Variants in NT5DC4 observed in about 807,000 individuals in gnomAD.
The protein encoded by NT5DC4 is 5'-nucleotidase domain containing 4, also known as 5'-nucleotidase domain-containing protein 4.
A neutral mutation model predicts 26.6 loss-of-function variants in NT5DC4; 44 were observed. The ratio of observed to expected loss-of-function variants is 1.65; its 90% confidence interval spans 1.30 to 2.13. The LOEUF is 2.13. NT5DC4 is among the 30% of genes most tolerant of loss of function. NT5DC4 has a pLI of 0.00. For synonymous variants in NT5DC4, 157 were observed against 86.7 expected, an observed-to-expected ratio of 1.81 and a Z score of -4.51; for missense variants, 399 against 228.1, an observed-to-expected ratio of 1.75 and a Z score of -4.83.
chr2:112,731,846 G>GATAAACA (rs1678520545), intron 16 of NT5DC4, among the ~76,000 whole-genome samples: 1 of 151,508 alleles, frequency 6.6e-6, no homozygotes, highest in Non-Finnish European at 1.5e-5. Flanking sequence ...ATTTTCTGTG[G>GATAAACA]ATAAACAATG....
At position 112,724,836 on chromosome 2, in the gene NT5DC4, C is replaced by T. The variant is rs904701383; in HGVS notation, c.845C>T (p.Thr282Met). The change falls in exon 11 of 17, where the codon ACG becomes ATG. Residue 282 changes from threonine (T) to methionine (M), a missense_variant. By Grantham distance (81) the Thr-to-Met change is moderately conservative. Transcript: ENST00000688554. ...RSYFDLIVVD[T>M]QKPHFFAEGL... ...TACTTTGACCTGATCGTGGTGGACACGCAGAAGCCCCACTTCTTTGCAGAG... is the reference window on the plus strand; with the variant it reads ...TACTTTGACCTGATCGTGGTGGACATGCAGAAGCCCCACTTCTTTGCAGAG... 26 of 717,074 alleles carry T rather than the reference C, an allele frequency of 3.6e-5. No homozygotes were observed. The highest frequency in any genetic ancestry group is 5.5e-5 in the Non-Finnish European group (21 of 385,030). 44.4% of individuals were successfully genotyped at this position (717,074 alleles called of 1,614,324 possible).
intron 1 of NT5DC4, among the ~76,000 whole-genome samples, 73 bp downstream of exon 1, chr2:112,721,226 G>A (rs1205305854): frequency 6.6e-6 from 1 of 152,232 alleles, no homozygotes; most frequent in African/African-American, 2.4e-5. Context: ...GCAGCACACA[G>A]GGGCTCCTTT....
At position 112,738,558 on chromosome 2, in the gene NT5DC4, ATATT is replaced by A. The variant is rs1679555516; in HGVS notation, c.1345-351_1345-348del. The A allele has an allele frequency of 6.9e-6, 3 of 434,414 alleles. No individual in the cohort carries two copies. In the South Asian group the frequency reaches 8.9e-5, roughly 13 times the overall value. 26.9% of individuals were successfully genotyped at this position (434,414 alleles called of 1,614,324 possible). A position where few individuals can be genotyped will look rare whatever the true frequency, so the allele number is the denominator to read the frequency against. On this transcript the variant is annotated intron_variant, in intron 16 of 16. Coordinates refer to ENST00000688554, the MANE Select transcript of NT5DC4 (RefSeq NM_001393655.1). Reference sequence around the variant, plus strand: ...ATTAAAGTAGATCAATAAAGTATAAATATTTATCATAGTTGTAGGGTAAATATTC... The same window carrying A: ...ATTAAAGTAGATCAATAAAGTATAAATATCATAGTTGTAGGGTAAATATTC...
Position 112,726,578 on chromosome 2 carries a change from C to T in NT5DC4, c.1206-100C>T, listed in dbSNP as rs571497370. ...CCGGCACCCCCACTGGATGCCCGCACGGTGTCCCCCCACCCGACCCCTGCT... is the reference window on the plus strand; with the variant it reads ...CCGGCACCCCCACTGGATGCCCGCATGGTGTCCCCCCACCCGACCCCTGCT... On this transcript the variant is annotated intron_variant, in intron 14 of 16. Coordinates refer to ENST00000688554, the MANE Select transcript of NT5DC4 (RefSeq NM_001393655.1). 4.4e-5 allele frequency: 31 copies of T among 708,574 alleles called. 1 individual carries two copies. Among genetic ancestry groups the T allele is most frequent in the South Asian group, 3.6e-4 (24 of 66,876 alleles). 43.9% of individuals were successfully genotyped at this position (708,574 alleles called of 1,614,324 possible).
downstream of NT5DC4, among the ~76,000 whole-genome samples, chr2:112,741,375 T>A (rs1008202069): frequency 6.6e-6 from 1 of 152,170 alleles, no homozygotes; most frequent in Non-Finnish European, 1.5e-5. Flanking sequence ...TTTTCTTGAC[T>A]CACTAAGGTT....
At chr2:112,740,940 C>T (rs533887912), downstream of NT5DC4, 1 of 1,613,998 alleles carries the variant, frequency 6.2e-7, no homozygotes, top group Non-Finnish European at 8.5e-7. Flanking sequence ...TCACAGATTC[C>T]ATCTTCTTGG....
chr2:112,733,529 A>G (rs13013602), intron 16 of NT5DC4, among the ~76,000 whole-genome samples: 66,132 of 152,072 alleles, frequency 0.43, 15,591 homozygotes, highest in East Asian at 0.69. Flanking sequence ...GGAGGGGCAT[A>G]CCTTCCCGTT....
chr2:112,721,587 T>C (rs565576871), intron 1 of NT5DC4: 4 of 717,598 alleles, frequency 5.6e-6, no homozygotes, highest in South Asian at 4.4e-5. Context: ...CACACTCAGA[T>C]GCACGCTTGC....
At chr2:112,725,638 G>T in intron 13 of NT5DC4, 86 bp downstream of exon 13, 1 of 585,820 alleles carries the variant, frequency 1.7e-6, no homozygotes, top group Non-Finnish European at 3.1e-6. Flanking sequence ...TTTCCCGTGG[G>T]GGGTTAGTAG....
chr2:112,738,986 C>T lies in NT5DC4; in HGVS notation c.*50C>T. ...GTAGCGGGACACTGCTCGCTCAATC[C>T]TCGACGAACGCCGTACAGGAGTGAT... On this transcript the variant is annotated 3_prime_UTR_variant, in exon 17 of 17. Transcript: ENST00000688554. 6.2e-7 allele frequency: 1 copy of T among 1,614,176 alleles called. No homozygotes were observed. Among genetic ancestry groups the T allele is most frequent in the Middle Eastern group, 1.6e-4 (1 of 6,062 alleles).
intron 15 of NT5DC4, among the ~76,000 whole-genome samples, chr2:112,727,436 T>C (rs1574260174): frequency 6.6e-6 from 1 of 151,962 alleles, no homozygotes; most frequent in South Asian, 2.1e-4. Context: ...GGTGGCGGGG[T>C]GGGGCCTGCC....
chr2:112,729,086 C>T (rs1321620420), intron 15 of NT5DC4, among the ~76,000 whole-genome samples: 6 of 152,248 alleles, frequency 3.9e-5, no homozygotes, highest in South Asian at 2.1e-4. Context: ...AGTGACAAGG[C>T]GAAACACTTA....
In NT5DC4 at chr2:112,729,611, G is replaced by A. The variant is rs1678232678; in HGVS notation, c.1267-16G>A. 1.4e-6 allele frequency: 1 copy of A among 717,690 alleles called. No homozygotes were observed. The highest frequency in any genetic ancestry group is 1.5e-5 in the South Asian group (1 of 67,614). The allele number at this position is 717,690 out of a possible 1,614,324, so 44.5% of individuals were successfully genotyped here. ...GGGACGGAGTGCTTCACCTCCACCT[G>A]CATTTATCCCTACAGATGCCACATG... On this transcript the variant is annotated splice_polypyrimidine_tract_variant and intron_variant, in intron 15 of 16. Transcript: ENST00000688554.
downstream of NT5DC4, among the ~76,000 whole-genome samples, chr2:112,739,823 T>C (rs1292479254): frequency 6.6e-6 from 1 of 152,134 alleles, no homozygotes; most frequent in East Asian, 1.9e-4. Flanking sequence ...CCTGGCTAAT[T>C]TTTTATTTTT....
At chr2:112,724,700 G>A (rs1677456333) in intron 10 of NT5DC4, 81 bp from the exon 11 acceptor site, 3 of 688,832 alleles carry the variant, frequency 4.4e-6, no homozygotes, top group Non-Finnish European at 8.1e-6. Flanking sequence ...GTGGGGAGAG[G>A]CAGGCTGTGG....
intron 16 of NT5DC4, among the ~76,000 whole-genome samples, chr2:112,734,169 ATGTGTGTGTGTG>A (rs59851361): frequency 2.2e-5 from 3 of 134,866 alleles, no homozygotes; most frequent in East Asian, 4.4e-4. Flanking sequence ...TATTATATAT[ATGTGTGTGTGTG>A]TGTGTGTGTG....
At chr2:112,739,836 T>C (rs2104846374), downstream of NT5DC4, among the ~76,000 whole-genome samples, 1 of 152,278 alleles carries the variant, frequency 6.6e-6, no homozygotes, top group South Asian at 2.1e-4. Flanking sequence ...TTATTTTTCA[T>C]AGAGTTGGGG....
chr2:112,739,105 T>A, downstream of NT5DC4: 2 of 1,313,816 alleles, frequency 1.5e-6, no homozygotes, highest in South Asian at 2.6e-5. Flanking sequence ...ATTATCTTTA[T>A]TATTTTTTGT....
At position 112,729,810 on chromosome 2, in the gene NT5DC4, G is replaced by T. The variant is rs1441752099; in HGVS notation, c.1344+106G>T. ...CCCAGGACGCATGAGGCAATTGGTG[G>T]GGGGGCTTGTGGGCTTGTTTTTGTC... On this transcript the variant is annotated intron_variant, in intron 16 of 16. Coordinates refer to ENST00000688554, the MANE Select transcript of NT5DC4 (RefSeq NM_001393655.1). The T allele has an allele frequency of 4.4e-6, 3 of 679,934 alleles. No individual in the cohort carries two copies. In the East Asian group the frequency reaches 8.2e-5, roughly 19 times the overall value. 42.1% of individuals were successfully genotyped at this position (679,934 alleles called of 1,614,324 possible). A position where few individuals can be genotyped will look rare whatever the true frequency, so the allele number is the denominator to read the frequency against.
Sources: gnomAD v4.1 joint callset for allele counts (sites outside exome capture counted in the v4.1 genomes callset) on GRCh38, gnomAD v4.1.1 for gene constraint, MANE v1.5 for transcripts, NCBI Gene and HGNC (gene_info 2026-07-23, HGNC 2026-07-21) for gene names.